Variants in MAGI1 observed in about 807,000 individuals in gnomAD.
MAGI1 encodes membrane-associated guanylate kinase, WW and PDZ domain-containing protein 1.
A neutral mutation model predicts 139.9 loss-of-function variants in MAGI1; 58 were observed. The ratio of observed to expected loss-of-function variants is 0.41; its 90% CI spans 0.34 to 0.52. MAGI1 has a LOEUF of 0.52. Ranked by LOEUF, MAGI1 falls within the 20% of genes least tolerant of loss-of-function variation. The pLI is 0.12. For synonymous variants in MAGI1, 812 were observed against 737.9 expected (o/e 1.10, Z -1.63); for missense variants, 1,874 against 1,901.6 (o/e 0.99, Z 0.27).
intron 1 of MAGI1, among the ~76,000 whole-genome samples, chr3:65,881,423 C>G (rs1345258261): frequency 2.6e-5 from 4 of 152,098 alleles, no homozygotes; most frequent in Non-Finnish European, 5.9e-5. Context: ...GGCCAGGAGT[C>G]CAAGACTAGG....
At chr3:65,473,386 C>A (rs1301390436) in intron 4 of MAGI1, among the ~76,000 whole-genome samples, 2 of 152,044 alleles carry the variant, frequency 1.3e-5, no homozygotes, top group Non-Finnish European at 2.9e-5. Context: ...ATGCAAAGTG[C>A]CTGGCACCTG....
rs995511509 is a variant in MAGI1 at position 65,583,548 on chromosome 3, T to C, written c.430+38424A>G. ...TTACTGACAGCAGGGAAATGGGAAC[T>C]AACTACAAGGTTTTTTTTTTAAACA... On this transcript the variant is annotated intron_variant, in intron 2 of 22. Transcript: ENST00000402939. Among the ~76,000 whole-genome samples the C allele has an allele frequency of 2.0e-5, 3 of 152,090 alleles. No homozygotes were observed. In the East Asian group the frequency reaches 5.8e-4, roughly 29 times the overall value.
At chr3:65,550,884 T>C (rs562874602) in intron 2 of MAGI1, among the ~76,000 whole-genome samples, 23 of 152,076 alleles carry the variant, frequency 1.5e-4, no homozygotes, top group Non-Finnish European at 2.6e-4. Context: ...GGTGAGAGGA[T>C]TGCATGGGCC....
At chr3:65,626,177 A>C (rs2083959917) in intron 1 of MAGI1, among the ~76,000 whole-genome samples, 1 of 152,212 alleles carries the variant, frequency 6.6e-6, no homozygotes, top group African/African-American at 2.4e-5. Context: ...ATGATATCCA[A>C]AATGCTTAAA....
chr3:65,594,227 A>C (rs2082088353), intron 2 of MAGI1, among the ~76,000 whole-genome samples: 1 of 152,230 alleles, frequency 6.6e-6, no homozygotes, highest in Non-Finnish European at 1.5e-5. Flanking sequence ...TTGAAAAGCA[A>C]GTGGATTGAG....
At chr3:65,795,702 C>CACACACACACACAG (rs1241596087) in intron 1 of MAGI1, among the ~76,000 whole-genome samples, 1 of 142,330 alleles carries the variant, frequency 7.0e-6, no homozygotes, top group Non-Finnish European at 1.6e-5. Flanking sequence ...AAGATACACA[C>CACACACACACACAG]ACACACACAC....
chr3:65,783,534 C>G (rs1021259168), intron 1 of MAGI1, among the ~76,000 whole-genome samples: 4 of 152,094 alleles, frequency 2.6e-5, no homozygotes, highest in Non-Finnish European at 5.9e-5. Context: ...TCTGTCACCA[C>G]CCAGGCTGGA....
chr3:65,718,291 A>G (rs951436127), intron 1 of MAGI1, among the ~76,000 whole-genome samples: 2 of 152,174 alleles, frequency 1.3e-5, no homozygotes, highest in Non-Finnish European at 2.9e-5. Flanking sequence ...TGGACCTAAG[A>G]GATAGCTTCC....
At chr3:65,728,257 C>T (rs2033825095) in intron 1 of MAGI1, among the ~76,000 whole-genome samples, 1 of 152,032 alleles carries the variant, frequency 6.6e-6, no homozygotes, top group African/African-American at 2.4e-5. Flanking sequence ...TGGAAATGAG[C>T]TTGGGGAAAA....
At chr3:65,803,828 A>T (rs1447599958) in intron 1 of MAGI1, among the ~76,000 whole-genome samples, 2 of 152,184 alleles carry the variant, frequency 1.3e-5, no homozygotes, top group African/African-American at 4.8e-5. Context: ...ATGCTTAGCA[A>T]ACTCATACAA....
At chr3:65,574,237 A>T (rs528795224) in intron 2 of MAGI1, among the ~76,000 whole-genome samples, 1 of 146,272 alleles carries the variant, frequency 6.8e-6, no homozygotes, top group South Asian at 2.1e-4. Context: ...TTACATATAT[A>T]TATGTATATA....
At chr3:65,627,441 G>T (rs1404601398) in intron 1 of MAGI1, among the ~76,000 whole-genome samples, 1 of 142,612 alleles carries the variant, frequency 7.0e-6, no homozygotes, top group Non-Finnish European at 1.5e-5. Flanking sequence ...GGAAAATGGG[G>T]CTTAGATGCT....
At chr3:65,741,029 A>G (rs1204119078) in intron 1 of MAGI1, among the ~76,000 whole-genome samples, 2 of 152,178 alleles carry the variant, frequency 1.3e-5, no homozygotes, top group Non-Finnish European at 2.9e-5. Flanking sequence ...GAAGAGTTTA[A>G]TGCCTTTTGG....
At chr3:65,550,620 G>GATT (rs1346776354) in intron 2 of MAGI1, among the ~76,000 whole-genome samples, 4 of 152,120 alleles carry the variant, frequency 2.6e-5, no homozygotes, top group Non-Finnish European at 5.9e-5. Flanking sequence ...TGACTAAACT[G>GATT]GGATTGGCCC....
intron 1 of MAGI1, among the ~76,000 whole-genome samples, chr3:65,795,307 T>TA (rs570498909): frequency 1.5e-4 from 22 of 151,194 alleles, no homozygotes; most frequent in Admixed American, 6.6e-4. Context: ...GCTGAGTGGC[T>TA]AAAAAAAAAG....
chr3:65,816,633 CAG>C (rs2041619443), intron 1 of MAGI1, among the ~76,000 whole-genome samples: 1 of 88,624 alleles, frequency 1.1e-5, no homozygotes, highest in African/African-American at 3.7e-5. Flanking sequence ...GAGTAGCTAA[CAG>C]GGGAAAAAAA....
chr3:66,014,017 A>C (rs988319237), intron 1 of MAGI1, among the ~76,000 whole-genome samples: 2 of 152,082 alleles, frequency 1.3e-5, no homozygotes, highest in Non-Finnish European at 1.5e-5. Context: ...CATCTTCCTC[A>C]ATTTCCCTCA....
At chr3:65,844,982 G>A (rs1022638140) in intron 1 of MAGI1, among the ~76,000 whole-genome samples, 3 of 151,984 alleles carry the variant, frequency 2.0e-5, no homozygotes, top group Non-Finnish European at 2.9e-5. Flanking sequence ...GGCGGGGCAC[G>A]GTTGCTCACA....
intron 1 of MAGI1, among the ~76,000 whole-genome samples, chr3:65,904,089 T>C (rs115054647): frequency 2.0e-5 from 3 of 152,172 alleles, no homozygotes; most frequent in African/African-American, 7.2e-5. Context: ...GAGCACAGAC[T>C]ACTTAATCTT....
Sources: allele counts gnomAD v4.1 joint callset (sites outside exome capture counted in the v4.1 genomes callset), GRCh38; gene constraint gnomAD v4.1.1; transcripts MANE v1.5; gene names NCBI Gene and HGNC (gene_info 2026-07-23, HGNC 2026-07-21).